Variants in SLC2A14 observed in about 807,000 individuals in gnomAD.
The protein encoded by SLC2A14 is solute carrier family 2 member 14, also known as solute carrier family 2, facilitated glucose transporter member 14.
In SLC2A14, 13 loss-of-function variants were observed where a neutral mutation model predicts 43.0. The ratio of observed to expected loss-of-function variants is 0.30; its 90% CI spans 0.20 to 0.48. SLC2A14 has a LOEUF of 0.48. Ranked by LOEUF, SLC2A14 falls within the 20% of genes least tolerant of loss-of-function variation. The pLI, the probability that SLC2A14 is intolerant of heterozygous loss-of-function variation, is 0.99. For missense variants in SLC2A14, 428 were observed against 620.4 expected, an observed-to-expected ratio of 0.69 and a Z score of 3.29; for synonymous variants, 190 against 233.8, an observed-to-expected ratio of 0.81 and a Z score of 1.71.
intron 2 of SLC2A14, among the ~76,000 whole-genome samples, chr12:7,848,116 A>G (rs1022738852): frequency 9.9e-5 from 15 of 152,108 alleles, no homozygotes; most frequent in African/African-American, 2.9e-4. Context: ...AGACTGTTTC[A>G]AGGCAGCGTT....
chr12:7,853,420 A>T (rs1254238847), intron 2 of SLC2A14, among the ~76,000 whole-genome samples: 3 of 102,506 alleles, frequency 2.9e-5, no homozygotes, highest in African/African-American at 1.1e-4. Flanking sequence ...ACAGAGAGAG[A>T]CTCCATTTCA....
At chr12:7,863,577 G>A in intron 2 of SLC2A14, 1 of 317,140 alleles carries the variant, frequency 3.2e-6, no homozygotes, top group Non-Finnish European at 6.3e-6. Flanking sequence ...AGCTGAGATT[G>A]TGCCACTGCA....
intron 7 of SLC2A14, among the ~76,000 whole-genome samples, chr12:7,826,799 A>G (rs1201987715): frequency 6.6e-6 from 1 of 150,624 alleles, no homozygotes; most frequent in Admixed American, 6.6e-5. Flanking sequence ...TTGCCAGTGT[A>G]CTTCCAGGCT....
chr12:7,825,196 C>T (rs915906954), intron 7 of SLC2A14, among the ~76,000 whole-genome samples: 1 of 151,648 alleles, frequency 6.6e-6, no homozygotes, highest in African/African-American at 2.4e-5. Flanking sequence ...CATGGTGGCT[C>T]ATGCCTGTAA....
intron 6 of SLC2A14, 148 bp downstream of exon 6, chr12:7,828,556 G>T: frequency 1.1e-6 from 1 of 898,018 alleles, no homozygotes; most frequent in Non-Finnish European, 1.6e-6. Context: ...CTCAAAAAAA[G>T]AAAAAACAAA....
intron 2 of SLC2A14, among the ~76,000 whole-genome samples, chr12:7,858,912 A>G (rs1944397345): frequency 6.6e-6 from 1 of 152,160 alleles, no homozygotes; most frequent in African/African-American, 2.4e-5. Context: ...ATTAACATTT[A>G]TGTTTTCTTC....
chr12:7,817,571 A>G (rs1300725684), intron 10 of SLC2A14, among the ~76,000 whole-genome samples: 1 of 152,044 alleles, frequency 6.6e-6, no homozygotes, highest in Non-Finnish European at 1.5e-5. Context: ...GATCATGACC[A>G]TCCTGGCCAA....
At chr12:7,884,070 CCTG>C (rs1189291025) in intron 1 of SLC2A14, among the ~76,000 whole-genome samples, 1 of 149,966 alleles carries the variant, frequency 6.7e-6, no homozygotes, top group African/African-American at 2.5e-5. Flanking sequence ...ACTACAGGCG[CCTG>C]CCACCACAAC....
intron 2 of SLC2A14, among the ~76,000 whole-genome samples, chr12:7,844,051 A>G (rs1223653755): frequency 6.6e-6 from 1 of 152,138 alleles, no homozygotes; most frequent in Non-Finnish European, 1.5e-5. Context: ...AGTTGGGTGA[A>G]TATTTATATC....
intron 2 of SLC2A14, among the ~76,000 whole-genome samples, chr12:7,842,140 C>T (rs1304067281): frequency 3.3e-5 from 5 of 152,070 alleles, no homozygotes; most frequent in Non-Finnish European, 5.9e-5. Context: ...TGGAGTCATA[C>T]ATTATGTAGC....
At chr12:7,818,824 G>C (rs1434977020) in intron 9 of SLC2A14, among the ~76,000 whole-genome samples, 1 of 151,978 alleles carries the variant, frequency 6.6e-6, no homozygotes, top group African/African-American at 2.4e-5. Context: ...ACCCAGCCAG[G>C]CTTGGATTTT....
At position 7,856,250 on chromosome 12, in the gene SLC2A14, G is replaced by A. The variant is rs1257926702; in HGVS notation, c.18+13613C>T. The A allele has an allele frequency of 2.0e-5, 3 of 152,202 alleles. No individual in the cohort carries two copies. The South Asian group carries it at 6.2e-4, about 32-fold the overall frequency. 9.4% of individuals were successfully genotyped at this position (152,202 alleles called of 1,614,324 possible). A position where few individuals can be genotyped will look rare whatever the true frequency, so the allele number is the denominator to read the frequency against. On this transcript the variant is annotated intron_variant, in intron 2 of 10. Transcript: ENST00000431042. ...AGGATCACTTGAGGCCAGCAGTTCT[G>A]GGCTGAAGTGTGCTTTGCACATCAG...
chr12:7,826,877 C>CT (rs1205951313), intron 7 of SLC2A14, among the ~76,000 whole-genome samples: 2 of 26,170 alleles, frequency 7.6e-5, no homozygotes, highest in South Asian at 1.0e-3. Context: ...TTCTTTCTTT[C>CT]TTTCTTTCTT....
chr12:7,862,563 G>A (rs1320557824), intron 2 of SLC2A14, among the ~76,000 whole-genome samples: 1 of 152,148 alleles, frequency 6.6e-6, no homozygotes, highest in Admixed American at 6.5e-5. Context: ...AAGAGCTAAG[G>A]AATGCGAGCA....
At chr12:7,860,951 C>A (rs1944519149) in intron 2 of SLC2A14, among the ~76,000 whole-genome samples, 1 of 152,046 alleles carries the variant, frequency 6.6e-6, no homozygotes, top group Non-Finnish European at 1.5e-5. Flanking sequence ...CACCACCATG[C>A]CCAGCTAATT....
intron 2 of SLC2A14, among the ~76,000 whole-genome samples, chr12:7,835,100 TAA>T (rs35514872): frequency 1.4e-3 from 206 of 144,040 alleles, no homozygotes; most frequent in South Asian, 2.0e-3. Context: ...GTAGCTCTAT[TAA>T]AAAAAAAAAA....
chr12:7,891,113 T>G (rs753109554), exon 1 of SLC2A14: 1 of 1,534,128 alleles, frequency 6.5e-7, no homozygotes, highest in South Asian at 1.2e-5. Flanking sequence ...CTCTCAACAG[T>G]TGGAGTCTTT....
chr12:7,838,747 A>G (rs1865667534), intron 2 of SLC2A14, among the ~76,000 whole-genome samples: 1 of 152,212 alleles, frequency 6.6e-6, no homozygotes, highest in African/African-American at 2.4e-5. Flanking sequence ...GGGGGGCCAG[A>G]GGGCAAAGTG....
chr12:7,880,868 G>A lies in SLC2A14; in HGVS notation c.132+10128C>T, dbSNP rs746381990. ...AAAAATACAAAAATTGGCCAGGCGC[G>A]GTGGCTCACGCCTGTAATCCCAGCA... On this transcript the variant is annotated intron_variant, in intron 1 of 9. Coordinates refer to the SLC2A14 transcript ENST00000539924. Among the ~76,000 whole-genome samples the A allele has an allele frequency of 4.9e-4, 74 of 151,666 alleles. 1 individual carries two copies. The highest frequency in any genetic ancestry group is 1.6e-3 in the African/African-American group (68 of 41,384).
Sources: gnomAD v4.1 joint callset for allele counts (sites outside exome capture counted in the v4.1 genomes callset) on GRCh38, gnomAD v4.1.1 for gene constraint, MANE v1.5 for transcripts, NCBI Gene and HGNC (gene_info 2026-07-23, HGNC 2026-07-21) for gene names.